The following FAAH variants were observed in gnomAD, a reference collection of about 807,000 sequenced individuals.
FAAH encodes fatty-acid amide hydrolase 1.
A neutral mutation model predicts 69.7 loss-of-function variants in FAAH; 63 were observed. The ratio of observed to expected loss-of-function variants is 0.90; its 90% CI spans 0.74 to 1.12. FAAH has a LOEUF of 1.12. FAAH is among the 50% of genes most tolerant of loss of function. FAAH has a pLI of 0.00. For synonymous variants in FAAH, 305 were observed against 324.2 expected (o/e 0.94, Z 0.64); for missense variants, 680 against 755.0 (o/e 0.90, Z 1.16).
Position 46,406,224 on chromosome 1 carries a change from C to G in FAAH, c.827-20C>G. 1 of 1,614,068 alleles carries G rather than the reference C, an allele frequency of 6.2e-7. No individual in the cohort carries two copies. Among genetic ancestry groups the G allele is most frequent in the Non-Finnish European group, 8.5e-7 (1 of 1,180,040 alleles). ...CCTCGCTCCTTGTCTGCTTACCTCC[C>G]TCACCTCTCTGCCCCACAGTGCGTC... is the stretch of plus-strand genomic sequence containing the variant. On this transcript the variant is annotated intron_variant, in intron 6 of 14. Coordinates refer to ENST00000243167, the MANE Select transcript of FAAH (RefSeq NM_001441.3).
Position 46,405,536 on chromosome 1 carries a change from A to G in FAAH, c.578+31A>G, listed in dbSNP as rs200154126. The stretch of plus-strand genomic sequence containing the variant: ...GTCTTGGGGTGGGGCGGGGCGGGGC[A>G]GGGGCACCGGTCCCAGCATGGCACG... On this transcript the variant is annotated intron_variant, in intron 4 of 14. Coordinates refer to ENST00000243167, the MANE Select transcript of FAAH (RefSeq NM_001441.3). This position sits in a 1 kb window ranked among gnomAD's most constrained non-coding sequence, Gnocchi z 4.1. The G allele has an allele frequency of 1.8e-5, 28 of 1,576,164 alleles. No homozygotes were observed. Among genetic ancestry groups the G allele is most frequent in the East Asian group, 4.5e-5 (2 of 44,276 alleles).
rs1195701698 is a variant in FAAH, at chr1:46,402,200, G to A, written c.305G>A (p.Gly102Glu). The stretch of plus-strand genomic sequence containing the variant: ...GAGGCCGTGCTCTTCACCTATGTGG[G>A]AAAGGTAAGGCCAGCCAAGGCCAGC... ...APEAVLFTYVGKAWEVNKGTN... is the reference protein window; with the variant it reads ...APEAVLFTYVEKAWEVNKGTN... The change falls in exon 2 of 15, where the codon GGA (glycine) becomes GAA (glutamate). Residue 102 changes from glycine to glutamate, a missense_variant. By Grantham distance (98) the Gly-to-Glu change is moderately conservative (BLOSUM62 -2). Transcript: ENST00000243167. 1.3e-6 allele frequency: 2 copies of A among 1,590,744 alleles called. No individual in the cohort carries two copies. The highest frequency in any genetic ancestry group is 2.4e-5 in the East Asian group (1 of 42,482).
At chr1:46,400,729 C>G (rs891730285) in intron 1 of FAAH, among the ~76,000 whole-genome samples, 1 of 125,876 alleles carries the variant, frequency 7.9e-6, no homozygotes, top group African/African-American at 3.1e-5. Flanking sequence ...TCCATTGCCT[C>G]GGGCTGGGTA....
At chr1:46,403,339 A>G (rs967283353) in intron 2 of FAAH, among the ~76,000 whole-genome samples, 2 of 150,548 alleles carry the variant, frequency 1.3e-5, no homozygotes, top group Admixed American at 6.6e-5. Flanking sequence ...GGAACTCCCA[A>G]CCTCAGGTGA....
Position 46,404,974 on chromosome 1 carries a change from C to T in FAAH, c.310-40C>T. Reference sequence around the variant, plus strand: ...ATTTCACCACAATTTCTTAAAAAGGCCAGCCTCCTTTTATCTTATGTCTAC... The same window carrying T: ...ATTTCACCACAATTTCTTAAAAAGGTCAGCCTCCTTTTATCTTATGTCTAC... On this transcript the variant is annotated intron_variant, in intron 2 of 14. Coordinates refer to ENST00000243167, the MANE Select transcript of FAAH (RefSeq NM_001441.3). The surrounding 1 kb of genome is among the most constrained non-coding windows in gnomAD (Gnocchi z 4.5). 1 of 1,613,554 alleles carries T rather than the reference C, an allele frequency of 6.2e-7. No individual in the cohort carries two copies. Among genetic ancestry groups the T allele is most frequent in the Non-Finnish European group, 8.5e-7 (1 of 1,179,916 alleles).
chr1:46,405,604 C>T lies in FAAH; in HGVS notation c.595C>T (p.Pro199Ser), dbSNP rs1481615423. 1 of 1,613,486 alleles carries T rather than the reference C, an allele frequency of 6.2e-7. No homozygotes were observed. The highest frequency in any genetic ancestry group is 1.7e-5 in the Admixed American group (1 of 60,032). The part of the protein sequence containing the change: ...QSMFSYDCSN[P>S]LFGQTVNPWK... The stretch of plus-strand genomic sequence containing the variant: ...CTCCTCCAGCTATGACTGCAGTAAC[C>T]CCCTCTTTGGCCAGACCGTGAACCC... Residue 199 changes from proline (P) to serine (S), a missense_variant, in exon 5 of 15, where the codon CCC (proline) becomes TCC (serine). Pro to Ser is a moderately conservative substitution (Grantham distance 74, BLOSUM62 -1). Coordinates refer to ENST00000243167, the MANE Select transcript of FAAH (RefSeq NM_001441.3). The surrounding 1 kb of genome is among the most constrained non-coding windows in gnomAD (Gnocchi z 4.1).
intron 1 of FAAH, among the ~76,000 whole-genome samples, chr1:46,398,971 C>T (rs1024585172): frequency 4.1e-5 from 6 of 146,954 alleles, no homozygotes; most frequent in Non-Finnish European, 7.5e-5. Flanking sequence ...ATTCTGTTGA[C>T]GCTTCACCCA....
In FAAH at chr1:46,405,832, T is replaced by C. The variant is rs932915320; in HGVS notation, c.785+38T>C. 1 of 1,611,010 alleles carries C rather than the reference T, an allele frequency of 6.2e-7. No homozygotes were observed. Among genetic ancestry groups the C allele is most frequent in the African/African-American group, 1.3e-5 (1 of 74,892 alleles). ...GAGGGCGCTTCTGGGCCCCTCGCTGTGTGACCTTGGCCTAGCTTCCAACCT... is the reference window on the plus strand; with the variant it reads ...GAGGGCGCTTCTGGGCCCCTCGCTGCGTGACCTTGGCCTAGCTTCCAACCT... On this transcript the variant is annotated intron_variant, in intron 5 of 14. Coordinates refer to ENST00000243167, the MANE Select transcript of FAAH (RefSeq NM_001441.3). This position sits in a 1 kb window ranked among gnomAD's most constrained non-coding sequence, Gnocchi z 4.1.
chr1:46,401,960 T>A, intron 1 of FAAH, 131 bp from the exon 2 acceptor site: 1 of 778,516 alleles, frequency 1.3e-6, no homozygotes, highest in Non-Finnish European at 2.2e-6. Flanking sequence ...CAGAGCTGCA[T>A]TCTCTAGGGA....
At chr1:46,401,590 G>A (rs552529241) in intron 1 of FAAH, among the ~76,000 whole-genome samples, 2 of 152,290 alleles carry the variant, frequency 1.3e-5, no homozygotes, top group East Asian at 1.9e-4. Flanking sequence ...ATGGGGTCAG[G>A]TGCAGGCAGA....
chr1:46,403,235 A>G (rs1664735431), intron 2 of FAAH, among the ~76,000 whole-genome samples: 1 of 151,792 alleles, frequency 6.6e-6, no homozygotes, highest in Non-Finnish European at 1.5e-5. Context: ...GGTTCAAGTG[A>G]TTCTCATACC....
At chr1:46,396,273 G>C (rs1292593409) in intron 1 of FAAH, among the ~76,000 whole-genome samples, 1 of 152,188 alleles carries the variant, frequency 6.6e-6, no homozygotes, top group African/African-American at 2.4e-5. Context: ...CCAGCCATAA[G>C]GTGGTTTTCT....
Position 46,410,662 on chromosome 1 carries a change from G to A in FAAH, c.1276-152G>A, listed in dbSNP as rs565951185. 7.3e-5 allele frequency: 82 copies of A among 1,127,168 alleles called. 2 individuals carry two copies. Among genetic ancestry groups the A allele is most frequent in the South Asian group, 6.2e-4 (50 of 80,706 alleles). The allele number at this position is 1,127,168 out of a possible 1,614,324, so 69.8% of individuals were successfully genotyped here. ...ACTGCTCTCCTCCTCTGTCCCCTGC[G>A]ATCTTCAGCCAACCCGCATGCTGAA... On this transcript the variant is annotated intron_variant, in intron 10 of 14. Coordinates refer to ENST00000243167, the MANE Select transcript of FAAH (RefSeq NM_001441.3). The surrounding 1 kb of genome is among the most constrained non-coding windows in gnomAD (Gnocchi z 4.9).
chr1:46,403,324 G>C (rs533796342), intron 2 of FAAH, among the ~76,000 whole-genome samples: 3 of 151,922 alleles, frequency 2.0e-5, no homozygotes, highest in African/African-American at 7.2e-5. Context: ...TGGCCGGGCT[G>C]GTCTGGAACT....
intron 13 of FAAH, 94 bp downstream of exon 13, chr1:46,412,345 C>G: frequency 9.1e-7 from 1 of 1,102,088 alleles, no homozygotes; most frequent in East Asian, 2.6e-5. Flanking sequence ...CTGGGAGGAC[C>G]CTGCCCTCTC....
rs1196249136 is a variant in FAAH, at chr1:46,413,055, C to T, written c.1466-20C>T. On this transcript the variant is annotated intron_variant, in intron 13 of 14. Transcript: ENST00000243167. ...TGAAGATTCTCAGGGCCTGCTGCAG[C>T]TGCCTGTAATGTGTTCCAGGGGCCG... 3 of 1,613,802 alleles carry T rather than the reference C, an allele frequency of 1.9e-6. No individual in the cohort carries two copies. The highest frequency in any genetic ancestry group is 2.5e-6 in the Non-Finnish European group (3 of 1,179,908).
intron 1 of FAAH, among the ~76,000 whole-genome samples, chr1:46,398,537 T>C (rs1313626164): frequency 6.9e-6 from 1 of 145,184 alleles, no homozygotes; most frequent in Non-Finnish European, 1.6e-5. Context: ...GCAACCAAGA[T>C]TCTTTTTTTT....
chr1:46,411,495 G>C lies in FAAH; in HGVS notation c.1317-117G>C, dbSNP rs887355509. ...TGAACTTCCCTCTCAGAGCTCCCAT[G>C]GGGTTGTGAAGGGTCCACGGAGGGG... On this transcript the variant is annotated intron_variant, in intron 11 of 14. Coordinates refer to ENST00000243167, the MANE Select transcript of FAAH (RefSeq NM_001441.3). This position sits in a 1 kb window ranked among gnomAD's most constrained non-coding sequence, Gnocchi z 4.8. The C allele has an allele frequency of 9.1e-7, 1 of 1,095,744 alleles. No individual in the cohort carries two copies. The highest frequency in any genetic ancestry group is 1.6e-5 in the African/African-American group (1 of 64,088). 67.9% of individuals were successfully genotyped at this position (1,095,744 alleles called of 1,614,324 possible).
intron 13 of FAAH, 149 bp from the exon 14 acceptor site, chr1:46,412,926 T>C: frequency 1.0e-6 from 1 of 960,568 alleles, no homozygotes; most frequent in Non-Finnish European, 1.6e-6. Flanking sequence ...TCTGAATTCC[T>C]GGGCTTTGTC....
Sources: allele counts gnomAD v4.1 joint callset (sites outside exome capture counted in the v4.1 genomes callset), GRCh38; gene constraint gnomAD v4.1.1; non-coding constraint Gnocchi (gnomAD v3.1); transcripts MANE v1.5; gene names NCBI Gene and HGNC (gene_info 2026-07-23, HGNC 2026-07-21).